The following SNRPN variants were observed in gnomAD, a reference collection of about 807,000 sequenced individuals.
The protein encoded by SNRPN is small nuclear ribonucleoprotein-associated protein N.
A neutral mutation model predicts 25.2 loss-of-function variants in SNRPN; 7 were observed. That is an observed-to-expected ratio of 0.28 (90% CI 0.16 to 0.52). SNRPN has a LOEUF of 0.52. Among genes scored for constraint, SNRPN ranks in the 20% least tolerant of loss-of-function variants. The pLI, the probability that SNRPN is intolerant of heterozygous loss-of-function variation, is 0.96. For missense variants in SNRPN, 196 were observed against 322.5 expected (o/e 0.61, Z 3.00); for synonymous variants, 124 against 110.6 (o/e 1.12, Z -0.76).
intron 2 of SNRPN, among the ~76,000 whole-genome samples, chr15:24,887,900 C>G (rs547794962): frequency 2.0e-5 from 3 of 152,078 alleles, no homozygotes; most frequent in Non-Finnish European, 2.9e-5. Flanking sequence ...CCCCCAGGCT[C>G]ATGGATGGAC....
intron 2 of SNRPN, among the ~76,000 whole-genome samples, chr15:24,964,031 CAAAAAG>C (rs2075257422): frequency 6.7e-6 from 1 of 149,394 alleles, no homozygotes; most frequent in South Asian, 2.1e-4. Context: ...GATCTAGTCT[CAAAAAG>C]AAAAAAAAAG....
chr15:24,866,640 T>C (rs1264974393), intron 1 of SNRPN, among the ~76,000 whole-genome samples: 1 of 152,166 alleles, frequency 6.6e-6, no homozygotes, highest in Non-Finnish European at 1.5e-5. Flanking sequence ...CTTGAAATTA[T>C]TCCTCCTCTC....
chr15:24,869,880 G>A (rs1256076184), intron 1 of SNRPN, among the ~76,000 whole-genome samples: 1 of 152,126 alleles, frequency 6.6e-6, no homozygotes, highest in African/African-American at 2.4e-5. Flanking sequence ...CAAGAGTTGA[G>A]AACTCTTTAC....
At chr15:24,852,155 TTAAG>T (rs1445108551), upstream of SNRPN, 3 of 152,338 alleles carry the variant, frequency 2.0e-5, no homozygotes, top group South Asian at 2.1e-4. Context: ...CTACATGTTC[TTAAG>T]TAAGGTGTAT....
chr15:24,931,838 CAAAAAAAAAAAAAAAAAAA>C (rs71127026), intron 3 of SNRPN, among the ~76,000 whole-genome samples: 1 of 42,980 alleles, frequency 2.3e-5, no homozygotes, highest in African/African-American at 1.2e-4. Context: ...GAACCTGTCT[CAAAAAAAAAAAAAAAAAAA>C]AAAAAAAAAA....
Position 24,877,523 on chromosome 15 carries a change from G to A in SNRPN, c.-578-8993G>A, listed in dbSNP as rs114742116. ...TTAAACATAATGCATAGATGCTGTG[G>A]AATTAAAAAATGCAACCTAGGCCGG... On this transcript the variant is annotated intron_variant, in intron 1 of 11. Coordinates refer to the SNRPN transcript ENST00000400097. Among the ~76,000 whole-genome samples, 206 of 152,310 alleles carry A rather than the reference G, an allele frequency of 1.4e-3. 2 individuals carry two copies. Among genetic ancestry groups the A allele is most frequent in the African/African-American group, 4.8e-3 (200 of 41,584 alleles).
At chr15:24,874,731 A>G (rs549946511) in intron 1 of SNRPN, among the ~76,000 whole-genome samples, 2 of 151,920 alleles carry the variant, frequency 1.3e-5, no homozygotes, top group South Asian at 4.2e-4. Flanking sequence ...TAGGTTGAAT[A>G]ATCTCATAAA....
At chr15:24,837,729 A>C (rs2142703418) in intron 2 of SNRPN, among the ~76,000 whole-genome samples, 1 of 144,170 alleles carries the variant, frequency 6.9e-6, no homozygotes, top group African/African-American at 2.5e-5. Context: ...TAACTCTTTA[A>C]ATTTTTTTTT....
At chr15:24,871,041 C>A (rs146580734) in intron 1 of SNRPN, among the ~76,000 whole-genome samples, 1 of 151,550 alleles carries the variant, frequency 6.6e-6, no homozygotes, top group Non-Finnish European at 1.5e-5. Context: ...CCACCACGCC[C>A]GGCTAATTAT....
At chr15:24,886,253 A>G (rs2057198331) in intron 1 of SNRPN, among the ~76,000 whole-genome samples, 1 of 152,108 alleles carries the variant, frequency 6.6e-6, no homozygotes, top group Non-Finnish European at 1.5e-5. Flanking sequence ...CAAGAATCCT[A>G]TTAGATCAAT....
intron 2 of SNRPN, among the ~76,000 whole-genome samples, chr15:24,913,820 G>A (rs2059362441): frequency 6.6e-6 from 1 of 152,186 alleles, no homozygotes. Context: ...AAAATACCCA[G>A]AGAATGAATA....
At chr15:24,978,149 A>G (rs373129317) in intron 8 of SNRPN, 44 bp from the exon 9 acceptor site, 10 of 1,591,734 alleles carry the variant, frequency 6.3e-6, no homozygotes, top group Admixed American at 1.7e-5. Context: ...TAACTTTTCT[A>G]AGCCATTTTA....
intron 2 of SNRPN, among the ~76,000 whole-genome samples, chr15:24,834,722 TCTCTCC>T (rs1363964458): frequency 6.1e-5 from 4 of 65,058 alleles, no homozygotes; most frequent in Admixed American, 1.9e-4. Flanking sequence ...CTTGTCTCTC[TCTCTCC>T]CTCTCTCTCT....
chr15:24,923,009 G>C (rs1004256626), intron 3 of SNRPN, among the ~76,000 whole-genome samples: 2 of 145,760 alleles, frequency 1.4e-5, no homozygotes, highest in Admixed American at 1.5e-4. Context: ...GCATTGAAGC[G>C]ATTCTCCTGC....
intron 2 of SNRPN, among the ~76,000 whole-genome samples, chr15:24,963,586 G>C (rs555188070): frequency 6.6e-6 from 1 of 150,568 alleles, no homozygotes. Context: ...CTGCACTCTA[G>C]CCTGGGTGAC....
chr15:24,894,214 ATTC>A (rs1447576795), intron 2 of SNRPN, among the ~76,000 whole-genome samples: 13 of 145,234 alleles, frequency 9.0e-5, no homozygotes, highest in Non-Finnish European at 1.7e-4. Flanking sequence ...ACCAAGCCAA[ATTC>A]TTTTTTTTTT....
intron 2 of SNRPN, among the ~76,000 whole-genome samples, chr15:24,890,299 G>A (rs935649471): frequency 6.6e-6 from 1 of 152,028 alleles, no homozygotes; most frequent in African/African-American, 2.4e-5. Flanking sequence ...GAACAAACAG[G>A]TCTTATGAAT....
At chr15:24,958,937 C>G (rs750416010) in intron 1 of SNRPN, 2 of 152,598 alleles carry the variant, frequency 1.3e-5, no homozygotes, top group Admixed American at 6.6e-5. Flanking sequence ...AGACTGGTCT[C>G]GAACTCCTGG....
At chr15:24,844,853 A>C (rs975856070) in intron 2 of SNRPN, among the ~76,000 whole-genome samples, 1 of 152,160 alleles carries the variant, frequency 6.6e-6, no homozygotes, top group Non-Finnish European at 1.5e-5. Flanking sequence ...TTTGTGCTTA[A>C]TATTTATTCC....
Sources: gnomAD v4.1 joint callset for allele counts (sites outside exome capture counted in the v4.1 genomes callset) on GRCh38, gnomAD v4.1.1 for gene constraint, MANE v1.5 for transcripts, NCBI Gene and HGNC (gene_info 2026-07-23, HGNC 2026-07-21) for gene names.